Variants in CFAP61 observed in about 807,000 individuals in gnomAD.
CFAP61 encodes the protein cilia- and flagella-associated protein 61.
In CFAP61, 107 loss-of-function variants were observed where a neutral mutation model predicts 135.6. That is an observed-to-expected ratio of 0.79 (90% CI 0.67 to 0.93). CFAP61 has a LOEUF of 0.93. Among genes scored for constraint, CFAP61 ranks in the 40% least tolerant of loss-of-function variants. The pLI, the probability that CFAP61 is intolerant of heterozygous loss-of-function variation, is 0.00. For synonymous variants in CFAP61, 575 were observed against 578.5 expected, an observed-to-expected ratio of 0.99 and a Z score of 0.09; for missense variants, 1,507 against 1,556.2, an observed-to-expected ratio of 0.97 and a Z score of 0.53.
chr20:20,350,220 A>G (rs1270274401), intron 26 of CFAP61, among the ~76,000 whole-genome samples: 1 of 152,250 alleles, frequency 6.6e-6, no homozygotes, highest in Non-Finnish European at 1.5e-5. Flanking sequence ...TGGGAACTGA[A>G]TTGCTGGTGG....
intron 26 of CFAP61, among the ~76,000 whole-genome samples, chr20:20,345,966 A>G (rs887563527): frequency 2.7e-4 from 34 of 125,726 alleles, no homozygotes; most frequent in Non-Finnish European, 4.7e-4. Context: ...CAGTGGCGCA[A>G]TCTCGGCTCA....
At chr20:20,356,628 C>CTG (rs1344006586) in intron 26 of CFAP61, among the ~76,000 whole-genome samples, 1 of 31,930 alleles carries the variant, frequency 3.1e-5, no homozygotes. Flanking sequence ...GGTGGTCACA[C>CTG]TGAGAGGAGG....
intron 6 of CFAP61, chr20:20,085,445 T>C (rs767430704): frequency 2.2e-6 from 3 of 1,365,696 alleles, no homozygotes; most frequent in Admixed American, 3.8e-5. Flanking sequence ...AGTTCCTCTT[T>C]ATCCATTTTG....
chr20:20,205,507 A>G (rs533050709), intron 17 of CFAP61, among the ~76,000 whole-genome samples: 1 of 152,234 alleles, frequency 6.6e-6, no homozygotes, highest in African/African-American at 2.4e-5. Flanking sequence ...CAAACTACAG[A>G]AAAGGAATAT....
At position 20,251,671 on chromosome 20, in the gene CFAP61, G is replaced by T; in HGVS notation, c.2236G>T (p.Gly746Cys). 4 of 1,614,212 alleles carry T rather than the reference G, an allele frequency of 2.5e-6. No homozygotes were observed. The highest frequency in any genetic ancestry group is 3.4e-6 in the Non-Finnish European group (4 of 1,180,036). ...WVNVVVGRMT[G>C]IDRAAKHVVL... ...TAATGTCGTGGTGGGTAGAATGACC[G>T]GCATAGACCGAGCAGCCAAGCACGT... Residue 746 changes from glycine (G) to cysteine (C), a missense_variant, in exon 20 of 27, where the codon GGC becomes TGC. Physicochemically the swap from Gly to Cys is radical, Grantham distance 159 (BLOSUM62 -3). Transcript: ENST00000245957.
At chr20:20,174,373 C>T (rs149571735) in intron 13 of CFAP61, among the ~76,000 whole-genome samples, 8 of 152,186 alleles carry the variant, frequency 5.3e-5, no homozygotes, top group Non-Finnish European at 1.0e-4. Flanking sequence ...AAGCCATGCA[C>T]GGTCCCATAG....
chr20:20,240,821 T>C (rs907479763), intron 18 of CFAP61, among the ~76,000 whole-genome samples: 3 of 152,160 alleles, frequency 2.0e-5, no homozygotes, highest in African/African-American at 4.8e-5. Context: ...TAAGCAGAAA[T>C]GTGGGACTTT....
At chr20:20,342,187 G>A (rs1290568159) in intron 26 of CFAP61, among the ~76,000 whole-genome samples, 1 of 152,106 alleles carries the variant, frequency 6.6e-6, no homozygotes, top group Non-Finnish European at 1.5e-5. Flanking sequence ...TCAGAGTGCT[G>A]GCAGAAAACT....
intron 17 of CFAP61, among the ~76,000 whole-genome samples, chr20:20,222,517 A>T (rs952429988): frequency 1.7e-4 from 26 of 152,208 alleles, no homozygotes; most frequent in African/African-American, 6.0e-4. Context: ...GAGCTACCAA[A>T]TTGTTCTGAG....
chr20:20,172,285 A>G (rs6081904), intron 13 of CFAP61: 497,340 of 978,756 alleles, frequency 0.51, 128,065 homozygotes, highest in Middle Eastern at 0.66. Context: ...CATTATGTCT[A>G]TCTGTTATGT....
intron 13 of CFAP61, among the ~76,000 whole-genome samples, chr20:20,176,553 G>T (rs2054640095): frequency 6.6e-6 from 1 of 152,224 alleles, no homozygotes; most frequent in Non-Finnish European, 1.5e-5. Flanking sequence ...CATGTCCTTT[G>T]CAGGGACATG....
intron 8 of CFAP61, among the ~76,000 whole-genome samples, chr20:20,142,332 C>T (rs2051469637): frequency 6.6e-6 from 1 of 152,226 alleles, no homozygotes; most frequent in Non-Finnish European, 1.5e-5. Flanking sequence ...AGCATGAGTT[C>T]ACAGTATTTC....
intron 2 of CFAP61, among the ~76,000 whole-genome samples, chr20:20,061,353 A>G (rs1266929316): frequency 6.6e-6 from 1 of 152,232 alleles, no homozygotes; most frequent in East Asian, 1.9e-4. Context: ...TCTGGACAAA[A>G]ATCTTCCATT....
intron 17 of CFAP61, among the ~76,000 whole-genome samples, chr20:20,213,294 G>A (rs2047797524): frequency 1.3e-5 from 2 of 152,154 alleles, no homozygotes; most frequent in African/African-American, 4.8e-5. Context: ...TGTCAAATAT[G>A]TTCTCAAGGC....
At chr20:20,157,401 A>G (rs1348392523) in intron 9 of CFAP61, among the ~76,000 whole-genome samples, 2 of 152,188 alleles carry the variant, frequency 1.3e-5, no homozygotes, top group African/African-American at 2.4e-5. Flanking sequence ...TGTAATGAAG[A>G]TAGTGTAATA....
chr20:20,285,153 A>G (rs989378776), intron 22 of CFAP61, among the ~76,000 whole-genome samples: 6 of 152,164 alleles, frequency 3.9e-5, no homozygotes, highest in East Asian at 1.9e-4. Context: ...AAAATCTACA[A>G]TCATTTAAAA....
At chr20:20,086,662 C>T (rs1342155404) in intron 6 of CFAP61, among the ~76,000 whole-genome samples, 2 of 152,092 alleles carry the variant, frequency 1.3e-5, no homozygotes, top group Non-Finnish European at 2.9e-5. Flanking sequence ...AAATGGGACC[C>T]TTGGCAAGGT....
At chr20:20,190,316 A>C (rs893941324) in intron 14 of CFAP61, among the ~76,000 whole-genome samples, 8 of 152,310 alleles carry the variant, frequency 5.3e-5, no homozygotes, top group Middle Eastern at 3.4e-3. Flanking sequence ...GGCTTGGATA[A>C]ATCTCCAGAG....
chr20:20,333,859 G>A (rs1041094958), intron 25 of CFAP61, among the ~76,000 whole-genome samples: 2 of 152,178 alleles, frequency 1.3e-5, no homozygotes. Flanking sequence ...AGGACCTAAA[G>A]GAAAACTTGT....
Sources: gnomAD v4.1 joint callset for allele counts (sites outside exome capture counted in the v4.1 genomes callset) on GRCh38, gnomAD v4.1.1 for gene constraint, MANE v1.5 for transcripts, NCBI Gene and HGNC (gene_info 2026-07-23, HGNC 2026-07-21) for gene names.